Variants in FMN1 observed in about 807,000 individuals in gnomAD.
FMN1 encodes formin 1, also known as formin-1.
FMN1 carries 110 observed loss-of-function variants against 132.4 expected under a neutral mutation model. The observed-to-expected ratio is 0.83, with a 90% CI of 0.71 to 0.97. The LOEUF is 0.97. Among genes scored for constraint, FMN1 ranks in the 50% least tolerant of loss-of-function variants. FMN1 has a pLI of 0.00. For missense variants in FMN1, 1,792 were observed against 1,705.3 expected, an observed-to-expected ratio of 1.05 and a Z score of -0.90; for synonymous variants, 722 against 651.7, an observed-to-expected ratio of 1.11 and a Z score of -1.64.
At chr15:33,107,673 C>T (rs112725264) in intron 4 of FMN1, among the ~76,000 whole-genome samples, 1 of 152,086 alleles carries the variant, frequency 6.6e-6, no homozygotes, top group Non-Finnish European at 1.5e-5. Flanking sequence ...AAATATCCTT[C>T]GAGCAGAAAG....
chr15:32,964,369 T>G (rs752567560), intron 8 of FMN1, 112 bp from the exon 9 acceptor site: 9 of 777,374 alleles, frequency 1.2e-5, no homozygotes, highest in Non-Finnish European at 1.8e-5. Context: ...AAAAAACACA[T>G]AAAACTCTAA....
chr15:32,950,066 T>C lies in FMN1; in HGVS notation c.3138+14041A>G, dbSNP rs796624927. On this transcript the variant is annotated intron_variant, in intron 9 of 20. Transcript: ENST00000616417. ...ATATATATATACACATATATATATA[T>C]ATATATATATATATTAAAAAGCTCA... Among the ~76,000 whole-genome samples, 9 of 48,658 alleles carry C rather than the reference T, an allele frequency of 1.8e-4. 1 individual carries two copies. Among genetic ancestry groups the C allele is most frequent in the East Asian group, 2.8e-3 (2 of 710 alleles). The allele number at this position is 48,658 out of a possible 152,430, so 31.9% of individuals were successfully genotyped here.
chr15:32,878,027 A>C (rs2059678902), intron 16 of FMN1, among the ~76,000 whole-genome samples: 2 of 152,238 alleles, frequency 1.3e-5, no homozygotes, highest in African/African-American at 4.8e-5. Flanking sequence ...ATAATATGAA[A>C]TATGAATATG....
At chr15:32,957,306 T>TG (rs71113490) in intron 9 of FMN1, among the ~76,000 whole-genome samples, 4,060 of 143,388 alleles carry the variant, frequency 0.028, 84 homozygotes, top group East Asian at 0.097. Context: ...TTCTTTTTTT[T>TG]TTTTTTTTTT....
intron 12 of FMN1, among the ~76,000 whole-genome samples, chr15:32,905,320 T>C (rs779321338): frequency 2.0e-5 from 3 of 152,232 alleles, no homozygotes; most frequent in African/African-American, 2.4e-5. Flanking sequence ...GCGATACACA[T>C]AGCATAACTG....
At chr15:33,012,247 T>C (rs1009423287) in intron 6 of FMN1, 3 of 702,170 alleles carry the variant, frequency 4.3e-6, no homozygotes, top group Non-Finnish European at 7.8e-6. Flanking sequence ...GCTCAAGAAC[T>C]GTGTGGTAAT....
At chr15:33,009,073 T>C (rs2034568834) in intron 6 of FMN1, among the ~76,000 whole-genome samples, 1 of 152,232 alleles carries the variant, frequency 6.6e-6, no homozygotes, top group South Asian at 2.1e-4. Context: ...GTAGTGTTGC[T>C]GCTGATAATT....
In FMN1 at chr15:33,037,117, T is replaced by C. The variant is rs920456147; in HGVS notation, c.2161+27840A>G. On this transcript the variant is annotated intron_variant, in intron 6 of 20. Transcript: ENST00000616417. ...GACTTCCTCAATTTCTGATCCTTAT[T>C]ATAAATTATCAAATAAAATAAATTA... Among the ~76,000 whole-genome samples, 8 of 152,226 alleles carry C rather than the reference T, an allele frequency of 5.3e-5. No individual in the cohort carries two copies. In the South Asian group the frequency reaches 6.2e-4, roughly 12 times the overall value.
At chr15:32,882,245 T>C (rs1387717782) in intron 16 of FMN1, among the ~76,000 whole-genome samples, 2 of 152,200 alleles carry the variant, frequency 1.3e-5, no homozygotes, top group Non-Finnish European at 2.9e-5. Flanking sequence ...AGGGTGAGCC[T>C]GCAAACTGTA....
At chr15:32,929,081 C>A (rs533451869) in intron 9 of FMN1, among the ~76,000 whole-genome samples, 14 of 152,314 alleles carry the variant, frequency 9.2e-5, no homozygotes, top group Admixed American at 8.5e-4. Flanking sequence ...CAGGTATTTG[C>A]TGAGTGTTAC....
intron 3 of FMN1, among the ~76,000 whole-genome samples, chr15:33,157,509 T>G (rs1964720809): frequency 6.6e-6 from 1 of 152,216 alleles, no homozygotes; most frequent in African/African-American, 2.4e-5. Context: ...TATGCAAGTT[T>G]CAAACCCAGA....
chr15:32,915,768 A>G (rs1384544009), intron 10 of FMN1, among the ~76,000 whole-genome samples: 1 of 152,232 alleles, frequency 6.6e-6, no homozygotes, highest in Non-Finnish European at 1.5e-5. Context: ...TTGCTACTGC[A>G]ATATCAATCA....
At position 33,194,072 on chromosome 15, in the gene FMN1, AGC is replaced by A. The variant is rs1966177583; in HGVS notation, c.-348-14_-348-13del. ...ATGGTAAATGTCATCTATAAACACA[AGC>A]AAAAAGCAGCAACAGATACCTTTCT... On this transcript the variant is annotated splice_polypyrimidine_tract_variant and intron_variant, in intron 1 of 20. Transcript: ENST00000616417. 1 of 151,970 alleles carries A rather than the reference AGC, an allele frequency of 6.6e-6. No individual in the cohort carries two copies. The highest frequency in any genetic ancestry group is 6.6e-5 in the Admixed American group (1 of 15,244). The allele number at this position is 151,970 out of a possible 1,614,324, so 9.4% of individuals were successfully genotyped here. A position where few individuals can be genotyped will look rare whatever the true frequency, so the allele number is the denominator to read the frequency against.
At chr15:32,955,485 G>A (rs1162592713) in intron 9 of FMN1, among the ~76,000 whole-genome samples, 2 of 152,078 alleles carry the variant, frequency 1.3e-5, no homozygotes, top group African/African-American at 4.8e-5. Flanking sequence ...AAGGCCAGAG[G>A]ACTCACTATC....
intron 7 of FMN1, among the ~76,000 whole-genome samples, chr15:32,975,673 A>G (rs1346980220): frequency 6.6e-6 from 1 of 152,092 alleles, no homozygotes; most frequent in Non-Finnish European, 1.5e-5. Context: ...GTTGATGTTG[A>G]TCATGTTAGT....
chr15:33,052,145 T>C (rs1354673314), intron 6 of FMN1, among the ~76,000 whole-genome samples: 1 of 152,184 alleles, frequency 6.6e-6, no homozygotes, highest in Non-Finnish European at 1.5e-5. Flanking sequence ...GAGCTAAACC[T>C]GATATTCTCC....
chr15:33,148,964 C>A (rs1964338844), intron 4 of FMN1, among the ~76,000 whole-genome samples: 1 of 106,754 alleles, frequency 9.4e-6, no homozygotes, highest in African/African-American at 4.2e-5. Flanking sequence ...TTGTACTCCC[C>A]ACCCCCGACC....
In FMN1 at chr15:32,771,813, A is replaced by T. The variant is rs2056255964; in HGVS notation, c.*2497T>A. 6.6e-6 allele frequency: 1 copy of T among 152,252 alleles called. No individual in the cohort carries two copies. Among genetic ancestry groups the T allele is most frequent in the African/African-American group, 2.4e-5 (1 of 41,466 alleles). The allele number at this position is 152,252 out of a possible 1,614,324, so 9.4% of individuals were successfully genotyped here. The stretch of plus-strand genomic sequence containing the variant: ...TAGAGGGATCATTTTCAAGGCCTCC[A>T]GATTATTTTAGATGAACTTCCTTGA... On this transcript the variant is annotated 3_prime_UTR_variant, in exon 21 of 21. Transcript: ENST00000616417.
At chr15:33,148,489 G>C (rs985945788) in intron 4 of FMN1, among the ~76,000 whole-genome samples, 1 of 152,144 alleles carries the variant, frequency 6.6e-6, no homozygotes, top group African/African-American at 2.4e-5. Flanking sequence ...CCCTGGCTTG[G>C]CTCCTTTACA....
Sources: gnomAD v4.1 joint callset for allele counts (sites outside exome capture counted in the v4.1 genomes callset) on GRCh38, gnomAD v4.1.1 for gene constraint, MANE v1.5 for transcripts, NCBI Gene and HGNC (gene_info 2026-07-23, HGNC 2026-07-21) for gene names.